Variants in AEBP2 observed in about 807,000 individuals in gnomAD.
The protein encoded by AEBP2 is AE binding protein 2, also known as zinc finger protein AEBP2.
AEBP2 carries 10 observed loss-of-function variants against 50.8 expected under a neutral mutation model. The observed-to-expected ratio is 0.20, with a 90% CI of 0.12 to 0.33. The LOEUF is 0.33. AEBP2 is among the 10% of genes least tolerant of loss of function. The pLI is 1.00. For missense variants in AEBP2, 570 were observed against 688.0 expected, an observed-to-expected ratio of 0.83 and a Z score of 1.92; for synonymous variants, 296 against 261.3, an observed-to-expected ratio of 1.13 and a Z score of -1.28.
chr12:19,496,792 G>T (rs1420274143), intron 4 of AEBP2, among the ~76,000 whole-genome samples: 18 of 151,154 alleles, frequency 1.2e-4, no homozygotes. Flanking sequence ...CTCCCAGGTA[G>T]CTTGGGCTAC....
At chr12:19,456,686 A>G (rs1293557130) in intron 1 of AEBP2, 1 of 1,575,746 alleles carries the variant, frequency 6.3e-7, no homozygotes, top group Admixed American at 1.7e-5. Flanking sequence ...CATCCTTGAC[A>G]GACACATTCT....
intron 5 of AEBP2, among the ~76,000 whole-genome samples, chr12:19,510,750 G>A (rs1192096542): frequency 1.3e-5 from 2 of 151,910 alleles, no homozygotes; most frequent in African/African-American, 4.8e-5. Context: ...TTAAAGCGGA[G>A]CCAGAACTTG....
Position 19,439,990 on chromosome 12 carries a change from A to AGACGAGGAGGAGGAC in AEBP2, c.306_320dup (p.Asp102_Glu106dup), listed in dbSNP as rs894364926. On this transcript the variant is annotated inframe_insertion, in exon 1 of 8. Coordinates refer to ENST00000266508, the MANE Select transcript of AEBP2 (RefSeq NM_153207.5). The stretch of plus-strand genomic sequence containing the variant: ...GCGCCAGCCAGGCCGGGGAGGACGA[A>AGACGAGGAGGAGGAC]GACGAGGAGGAGGACGACGAGGAGG... The AGACGAGGAGGAGGAC allele has an allele frequency of 7.2e-6, 11 of 1,522,458 alleles. No homozygotes were observed. Among genetic ancestry groups the AGACGAGGAGGAGGAC allele is most frequent in the Non-Finnish European group, 6.1e-6 (7 of 1,141,412 alleles). 94.3% of individuals were successfully genotyped at this position (1,522,458 alleles called of 1,614,324 possible). A position where few individuals can be genotyped will look rare whatever the true frequency, so the allele number is the denominator to read the frequency against.
chr12:19,479,099 T>TG (rs1196318590), intron 3 of AEBP2, among the ~76,000 whole-genome samples: 3 of 152,064 alleles, frequency 2.0e-5, no homozygotes, highest in Non-Finnish European at 2.9e-5. Flanking sequence ...GTCCTAGCTA[T>TG]GCGGGAGGCT....
intron 1 of AEBP2, among the ~76,000 whole-genome samples, chr12:19,427,044 G>A (rs1265526340): frequency 6.6e-6 from 1 of 152,150 alleles, no homozygotes; most frequent in Non-Finnish European, 1.5e-5. Context: ...AGGATTTGTG[G>A]GCAAGCATTA....
At chr12:19,415,817 A>T (rs768817775) in intron 1 of AEBP2, among the ~76,000 whole-genome samples, 2 of 152,172 alleles carry the variant, frequency 1.3e-5, no homozygotes, top group Non-Finnish European at 2.9e-5. Context: ...AAATCCCTTA[A>T]GCAGTCTCTG....
rs1001131910 is a variant in AEBP2, at chr12:19,405,604, G to C, written c.-17+1388G>C. On this transcript the variant is annotated intron_variant, in intron 1 of 3. Transcript: ENST00000538425. ...CTCCCAAAGTCCTGGGATTACAGGC[G>C]TGATCCACTGCGCCCGGCTGGATTT... 2.6e-5 allele frequency among the ~76,000 whole-genome samples: 4 copies of C among 152,102 alleles called. No individual in the cohort carries two copies. The East Asian group carries it at 5.8e-4, about 22-fold the overall frequency.
chr12:19,518,784 G>A lies in AEBP2; in HGVS notation c.*667G>A. 1.4e-6 allele frequency: 2 copies of A among 1,393,994 alleles called. No homozygotes were observed. The allele number at this position is 1,393,994 out of a possible 1,614,324, so 86.4% of individuals were successfully genotyped here. A position where few individuals can be genotyped will look rare whatever the true frequency, so the allele number is the denominator to read the frequency against. ...TAGGGCTGAAAATTACTGTTAAAGA[G>A]TGTTGCAGTATGTCTGGTGGCTCCC... On this transcript the variant is annotated 3_prime_UTR_variant, in exon 8 of 8. Coordinates refer to ENST00000266508, the MANE Select transcript of AEBP2 (RefSeq NM_153207.5).
chr12:19,452,998 C>T (rs1232734161), intron 1 of AEBP2, among the ~76,000 whole-genome samples: 1 of 132,434 alleles, frequency 7.6e-6, no homozygotes. Context: ...CGGAGTCTCG[C>T]TTTGTCGCCC....
chr12:19,468,621 A>C (rs879133917), intron 2 of AEBP2, among the ~76,000 whole-genome samples: 3 of 152,320 alleles, frequency 2.0e-5, no homozygotes, highest in Non-Finnish European at 2.9e-5. Context: ...AGCCATTTTA[A>C]GTATAGGCCA....
chr12:19,473,158 A>G, intron 2 of AEBP2, 90 bp from the exon 3 acceptor site: 2 of 466,942 alleles, frequency 4.3e-6, no homozygotes, highest in Non-Finnish European at 6.8e-6. Flanking sequence ...TCAGTTGAAG[A>G]GTTGTAACAT....
In AEBP2 at chr12:19,413,276, C is replaced by T. The variant is rs578132423; in HGVS notation, c.-17+9060C>T. On this transcript the variant is annotated intron_variant, in intron 1 of 3. Transcript: ENST00000538425. ...TTTAAGTAACTTAGCACTTGTAAAG[C>T]CTGAAAAAACTAAAGCAGTAGAGAA... The T allele has an allele frequency of 3.5e-5, 45 of 1,273,844 alleles. No homozygotes were observed. In the South Asian group the frequency reaches 4.0e-4, roughly 11 times the overall value. 78.9% of individuals were successfully genotyped at this position (1,273,844 alleles called of 1,614,324 possible).
chr12:19,428,499 A>C (rs1043330839), intron 1 of AEBP2, among the ~76,000 whole-genome samples: 2 of 152,216 alleles, frequency 1.3e-5, no homozygotes, highest in African/African-American at 4.8e-5. Flanking sequence ...AGGAAGGAGG[A>C]TTAGCAGGTT....
chr12:19,406,948 G>T (rs1318653361), intron 1 of AEBP2, among the ~76,000 whole-genome samples: 2 of 152,142 alleles, frequency 1.3e-5, no homozygotes, highest in African/African-American at 4.8e-5. Flanking sequence ...TTGTTGAAAA[G>T]ACTATCTTTT....
At chr12:19,440,980 G>A (rs575303883) in intron 1 of AEBP2, among the ~76,000 whole-genome samples, 1 of 152,294 alleles carries the variant, frequency 6.6e-6, no homozygotes, top group East Asian at 1.9e-4. Context: ...TTTGTTTTGG[G>A]AGCATATCTG....
At chr12:19,509,261 C>A in intron 5 of AEBP2, 1 of 285,018 alleles carries the variant, frequency 3.5e-6, no homozygotes, top group Non-Finnish European at 6.9e-6. Flanking sequence ...TTGAAAAATG[C>A]AACTTTTTTA....
chr12:19,512,871 C>A (rs1389087561), intron 6 of AEBP2, among the ~76,000 whole-genome samples: 2 of 152,022 alleles, frequency 1.3e-5, no homozygotes, highest in African/African-American at 4.8e-5. Context: ...TCACTTGAAC[C>A]CGGGAGGCAA....
rs756264879 is a variant in AEBP2, at chr12:19,493,850, T to G, written c.1038T>G (p.Ala346=). Residue 346 remains alanine (A), a synonymous_variant, in exon 4 of 8, where the codon GCT becomes GCG. Coordinates refer to ENST00000266508, the MANE Select transcript of AEBP2 (RefSeq NM_153207.5). ...NASFASQGGL[A]RHVPTHFSQQ... is the part of the protein sequence containing the mutation. ...GCTTTGCTTCTCAGGGAGGGCTAGC[T>G]CGTCATGTACCCACACACTTCAGTC... 6.2e-7 allele frequency: 1 copy of G among 1,613,926 alleles called. No individual in the cohort carries two copies. Among genetic ancestry groups the G allele is most frequent in the African/African-American group, 1.3e-5 (1 of 75,042 alleles).
chr12:19,457,225 G>A, intron 1 of AEBP2: 2 of 1,598,238 alleles, frequency 1.3e-6, no homozygotes, highest in South Asian at 1.1e-5. Flanking sequence ...AGCCAAAAGG[G>A]CATGCTCCTA....
Sources: allele counts gnomAD v4.1 joint callset (sites outside exome capture counted in the v4.1 genomes callset), GRCh38; gene constraint gnomAD v4.1.1; transcripts MANE v1.5; gene names NCBI Gene and HGNC (gene_info 2026-07-23, HGNC 2026-07-21).